USP25: variants seen among roughly 807,000 people sequenced by gnomAD.
USP25 encodes ubiquitin specific peptidase 25, also known as ubiquitin carboxyl-terminal hydrolase 25.
In USP25, 85 loss-of-function variants were observed where a neutral mutation model predicts 158.5. That is an observed-to-expected ratio of 0.54 (90% CI 0.45 to 0.64). The LOEUF (loss-of-function observed/expected upper bound fraction) is 0.64, where lower values mean the gene tolerates loss of function less well. Ranked by LOEUF, USP25 falls within the 30% of genes least tolerant of loss-of-function variation. USP25 has a pLI of 0.00. For synonymous variants in USP25, 464 were observed against 460.4 expected (o/e 1.01, Z -0.10); for missense variants, 1,242 against 1,327.3 (o/e 0.94, Z 1.00).
chr21:15,858,286 T>A (rs931704650), intron 20 of USP25, among the ~76,000 whole-genome samples: 6 of 152,020 alleles, frequency 3.9e-5, no homozygotes, highest in Admixed American at 1.3e-4. Context: ...ATTTTTTTTT[T>A]AGTATTTTGA....
chr21:15,753,574 G>A (rs2033176630), intron 1 of USP25, among the ~76,000 whole-genome samples: 1 of 152,194 alleles, frequency 6.6e-6, no homozygotes, highest in Admixed American at 6.5e-5. Flanking sequence ...GAATGTAGGA[G>A]TGTAGAAAGT....
chr21:15,859,958 G>GAT (rs1325544200), intron 20 of USP25, among the ~76,000 whole-genome samples: 19 of 140,110 alleles, frequency 1.4e-4, no homozygotes, highest in East Asian at 6.1e-4. Context: ...ATTTAAATTG[G>GAT]ATATATATAT....
chr21:15,763,188 CCT>C (rs989447802), intron 2 of USP25, among the ~76,000 whole-genome samples: 1 of 151,962 alleles, frequency 6.6e-6, no homozygotes, highest in African/African-American at 2.4e-5. Context: ...TGACAGATAA[CCT>C]CTTTCTATAT....
At chr21:15,846,358 C>G (rs760143456) in intron 18 of USP25, among the ~76,000 whole-genome samples, 4 of 150,782 alleles carry the variant, frequency 2.7e-5, no homozygotes. Context: ...GGACGGATTT[C>G]GCCATGTTGG....
chr21:15,786,355 C>G (rs1285727622), intron 4 of USP25, among the ~76,000 whole-genome samples: 2 of 152,110 alleles, frequency 1.3e-5, no homozygotes, highest in East Asian at 3.9e-4. Flanking sequence ...GCCAATATCC[C>G]TGATCAACCT....
intron 1 of USP25, among the ~76,000 whole-genome samples, chr21:15,759,735 G>T (rs985166331): frequency 3.9e-5 from 6 of 152,096 alleles, no homozygotes; most frequent in African/African-American, 1.4e-4. Context: ...TGTTAATGCT[G>T]GAGAGGTATA....
At chr21:15,793,877 T>C (rs2035724283) in intron 5 of USP25, among the ~76,000 whole-genome samples, 1 of 151,736 alleles carries the variant, frequency 6.6e-6, no homozygotes, top group Non-Finnish European at 1.5e-5. Flanking sequence ...CTTAAAAATT[T>C]TCTACCATTA....
intron 18 of USP25, 116 bp downstream of exon 18, chr21:15,842,656 C>A: frequency 7.6e-7 from 1 of 1,316,364 alleles, no homozygotes; most frequent in Non-Finnish European, 1.0e-6. Flanking sequence ...GATGGCTCTG[C>A]CATGGGCATG....
chr21:15,848,855 T>C (rs2038753802), intron 19 of USP25, among the ~76,000 whole-genome samples: 1 of 152,100 alleles, frequency 6.6e-6, no homozygotes, highest in Non-Finnish European at 1.5e-5. Context: ...ATACAATGAG[T>C]AATAGGTTCA....
intron 1 of USP25, among the ~76,000 whole-genome samples, chr21:15,746,101 G>C (rs1600792154): frequency 1.3e-5 from 2 of 152,284 alleles, no homozygotes; most frequent in Admixed American, 1.3e-4. Context: ...TTTGAAATGT[G>C]CCTTGAAGTG....
chr21:15,747,829 T>C (rs1025775271), intron 1 of USP25, among the ~76,000 whole-genome samples: 9 of 152,330 alleles, frequency 5.9e-5, no homozygotes, highest in Middle Eastern at 3.4e-3. Flanking sequence ...CGCTTGATCA[T>C]TGGTAACTGA....
intron 1 of USP25, among the ~76,000 whole-genome samples, chr21:15,739,622 G>C (rs1180816637): frequency 6.6e-6 from 1 of 152,116 alleles, no homozygotes; most frequent in Non-Finnish European, 1.5e-5. Flanking sequence ...TTAGAGTAAG[G>C]TGTCTACAGG....
chr21:15,865,100 T>G lies in USP25; in HGVS notation c.2726+654T>G, dbSNP rs528362273. The stretch of plus-strand genomic sequence containing the variant: ...AGAATATAGAAAATATTCTATAGAA[T>G]ATTTCCAGAGAATGTTTTCTCTAGA... On this transcript the variant is annotated intron_variant, in intron 21 of 25. Coordinates refer to ENST00000400183, the MANE Select transcript of USP25 (RefSeq NM_001283041.3). Among the ~76,000 whole-genome samples, 10 of 152,250 alleles carry G rather than the reference T, an allele frequency of 6.6e-5. No homozygotes were observed. In the South Asian group the frequency reaches 1.9e-3, roughly 28 times the overall value.
At chr21:15,869,915 A>C (rs2248859) in intron 22 of USP25, among the ~76,000 whole-genome samples, 153 bp from the exon 23 acceptor site, 2 of 152,126 alleles carry the variant, frequency 1.3e-5, no homozygotes, top group African/African-American at 4.8e-5. Flanking sequence ...GCCAGAAAGT[A>C]AAGTCTTGTT....
At chr21:15,731,164 T>G (rs756595217) in intron 1 of USP25, among the ~76,000 whole-genome samples, 1 of 151,924 alleles carries the variant, frequency 6.6e-6, no homozygotes, top group Non-Finnish European at 1.5e-5. Flanking sequence ...AAAAACTGTT[T>G]GTGAAACTTT....
At position 15,766,050 on chromosome 21, in the gene USP25, T is replaced by A. The variant is rs1346870472; in HGVS notation, c.177T>A (p.Ala59=). The A allele has an allele frequency of 6.2e-7, 1 of 1,610,928 alleles. No individual in the cohort carries two copies. ...LAVAFLTAKN[A]KTPQQEETTY... ...TGGCTTTCCTTACTGCGAAGAATGCTAAGACCCCTCAGCAGGAGGAGACAA... is the reference window on the plus strand; with the variant it reads ...TGGCTTTCCTTACTGCGAAGAATGCAAAGACCCCTCAGCAGGAGGAGACAA... The change falls in exon 3 of 26, where the codon GCT becomes GCA. Residue 59 remains alanine, a synonymous_variant. Transcript: ENST00000400183. The surrounding 1 kb of genome is among the most constrained non-coding windows in gnomAD (Gnocchi z 4.0).
intron 18 of USP25, among the ~76,000 whole-genome samples, chr21:15,846,683 T>C (rs1225061697): frequency 1.3e-5 from 2 of 152,210 alleles, no homozygotes; most frequent in Admixed American, 1.3e-4. Flanking sequence ...TCTTTGTGTA[T>C]GAAAACTTAT....
chr21:15,842,298 G>T (rs1270846483), intron 17 of USP25, 100 bp from the exon 18 acceptor site: 26 of 1,297,092 alleles, frequency 2.0e-5, no homozygotes, highest in Non-Finnish European at 2.6e-5. Context: ...ACTAAAATTG[G>T]TTCTTACATA....
intron 6 of USP25, among the ~76,000 whole-genome samples, chr21:15,801,570 G>A (rs1299210563): frequency 1.3e-5 from 2 of 151,536 alleles, no homozygotes; most frequent in African/African-American, 4.8e-5. Flanking sequence ...TGGATTTATA[G>A]ATAGTTATCA....
Sources: allele counts gnomAD v4.1 joint callset (sites outside exome capture counted in the v4.1 genomes callset), GRCh38; gene constraint gnomAD v4.1.1; non-coding constraint Gnocchi (gnomAD v3.1); transcripts MANE v1.5; gene names NCBI Gene and HGNC (gene_info 2026-07-23, HGNC 2026-07-21).